The following C12orf42 variants were observed in gnomAD, a reference collection of about 807,000 sequenced individuals.
C12orf42 encodes uncharacterized protein C12orf42.
In C12orf42, 25 loss-of-function variants were observed where a neutral mutation model predicts 21.6. The ratio of observed to expected loss-of-function variants is 1.16; its 90% CI spans 0.84 to 1.62. The LOEUF is 1.62. Ranked by LOEUF, C12orf42 falls within the 40% of genes most tolerant of loss-of-function variation. The probability of loss-of-function intolerance (pLI) is 0.00; values close to 1 mark genes in which losing one functional copy is unlikely to be tolerated. For missense variants in C12orf42, 483 were observed against 459.3 expected (o/e 1.05, Z -0.47); for synonymous variants, 174 against 175.0 (o/e 0.99, Z 0.05).
At chr12:103,300,072 C>A (rs1226602662), downstream of C12orf42, among the ~76,000 whole-genome samples, 1 of 152,202 alleles carries the variant, frequency 6.6e-6, no homozygotes, top group Non-Finnish European at 1.5e-5. Flanking sequence ...TTGAACCCTA[C>A]AAATCTACAT....
intron 4 of C12orf42, among the ~76,000 whole-genome samples, chr12:103,364,392 A>G (rs1251000603): frequency 5.3e-5 from 8 of 152,026 alleles, no homozygotes; most frequent in African/African-American, 1.9e-4. Flanking sequence ...CAAAAAGTCT[A>G]AAAGAGCACA....
intron 3 of C12orf42, among the ~76,000 whole-genome samples, chr12:103,397,371 G>A (rs2047622344): frequency 6.6e-6 from 1 of 152,208 alleles, no homozygotes; most frequent in African/African-American, 2.4e-5. Flanking sequence ...TGGCACAACA[G>A]GAGGTGAGTG....
At chr12:103,142,027 AT>A in the C12orf42 span, among the ~76,000 whole-genome samples, 1 of 152,226 alleles carries the variant, frequency 6.6e-6, no homozygotes, top group Non-Finnish European at 1.5e-5. Flanking sequence ...AACTAAAAAC[AT>A]CCTAGACATT....
At chr12:103,562,642 G>C in the C12orf42 span, among the ~76,000 whole-genome samples, 1 of 152,114 alleles carries the variant, frequency 6.6e-6, no homozygotes, top group Non-Finnish European at 1.5e-5. Context: ...GAAATTTCTT[G>C]CCAAGAAGAT....
chr12:103,200,033 T>G, the C12orf42 span, among the ~76,000 whole-genome samples: 16 of 152,260 alleles, frequency 1.1e-4, no homozygotes, highest in South Asian at 3.3e-3. Context: ...TGCACTCCCA[T>G]GTTCATTGCA....
chr12:103,357,352 A>C (rs2043682464), intron 4 of C12orf42, among the ~76,000 whole-genome samples: 1 of 151,868 alleles, frequency 6.6e-6, no homozygotes, highest in Non-Finnish European at 1.5e-5. Flanking sequence ...GTAGCTTTAT[A>C]ATGTTCCATT....
chr12:103,124,021 C>T, the C12orf42 span, among the ~76,000 whole-genome samples: 6 of 151,938 alleles, frequency 3.9e-5, no homozygotes, highest in Non-Finnish European at 7.4e-5. Context: ...CAAAGAATCC[C>T]CAGCAAGTGG....
intron 2 of C12orf42, 199 bp downstream of exon 2, chr12:103,478,150 G>T: frequency 2.0e-6 from 1 of 495,208 alleles, no homozygotes; most frequent in Non-Finnish European, 3.5e-6. Context: ...CTAATAGTGG[G>T]AAAAAAATAA....
At chr12:103,071,338 T>C in the C12orf42 span, among the ~76,000 whole-genome samples, 1 of 152,066 alleles carries the variant, frequency 6.6e-6, no homozygotes, top group Non-Finnish European at 1.5e-5. Flanking sequence ...AGAAAATAAA[T>C]ACACGCAGAG....
At chr12:103,376,411 T>G in intron 3 of C12orf42, among the ~76,000 whole-genome samples, 1 of 149,112 alleles carries the variant, frequency 6.7e-6, no homozygotes. Flanking sequence ...TGTCGAGGGG[T>G]GGGGGGCAAG....
At chr12:103,224,250 CG>C in the C12orf42 span, among the ~76,000 whole-genome samples, 2 of 147,122 alleles carry the variant, frequency 1.4e-5, no homozygotes, top group Non-Finnish European at 3.0e-5. Context: ...GGAAGGGAGG[CG>C]GCCTGAATAA....
At chr12:103,560,008 T>C in the C12orf42 span, among the ~76,000 whole-genome samples, 1 of 152,336 alleles carries the variant, frequency 6.6e-6, no homozygotes, top group East Asian at 1.9e-4. Flanking sequence ...TTCAAATCAA[T>C]TGAAGTTTTT....
Position 103,324,172 on chromosome 12 carries a change from T to C in C12orf42, c.260-17827A>G, listed in dbSNP as rs114102300. Among the ~76,000 whole-genome samples, 1,207 of 152,234 alleles carry C rather than the reference T, an allele frequency of 7.9e-3. 18 individuals carry two copies. Among genetic ancestry groups the C allele is most frequent in the African/African-American group, 0.027 (1,139 of 41,560 alleles). On this transcript the variant is annotated intron_variant, in intron 4 of 5. Transcript: ENST00000548883. ...TCATTTTAATGTCCTGTATCATTTT[T>C]AGATTTATGTTTTAATCATAAGCAC...
chr12:103,163,844 T>A, the C12orf42 span, among the ~76,000 whole-genome samples: 1 of 152,124 alleles, frequency 6.6e-6, no homozygotes, highest in African/African-American at 2.4e-5. Context: ...CTTCATAGGG[T>A]CATGGAGAGG....
the C12orf42 span, among the ~76,000 whole-genome samples, chr12:103,114,356 C>G: frequency 1.2e-4 from 18 of 152,284 alleles, no homozygotes; most frequent in East Asian, 2.3e-3. Flanking sequence ...TGGGTTAGGA[C>G]TCAGATGGTC....
At chr12:103,486,537 A>T (rs1269367378) in intron 1 of C12orf42, among the ~76,000 whole-genome samples, 4 of 152,066 alleles carry the variant, frequency 2.6e-5, no homozygotes, top group African/African-American at 9.7e-5. Flanking sequence ...AAGGAATGGT[A>T]CCAGTTCTTC....
the C12orf42 span, among the ~76,000 whole-genome samples, chr12:103,186,524 A>G: frequency 6.6e-6 from 1 of 152,206 alleles, no homozygotes; most frequent in Non-Finnish European, 1.5e-5. Flanking sequence ...TCTAATCAAA[A>G]TGGCATAAAT....
the C12orf42 span, among the ~76,000 whole-genome samples, chr12:103,196,088 T>TA: frequency 6.6e-6 from 1 of 152,168 alleles, no homozygotes; most frequent in African/African-American, 2.4e-5. Flanking sequence ...ACTTTCCTTT[T>TA]AACACTGTGT....
chr12:103,534,379 C>T, the C12orf42 span, among the ~76,000 whole-genome samples: 1 of 152,074 alleles, frequency 6.6e-6, no homozygotes, highest in African/African-American at 2.4e-5. Context: ...CTGCTGACTA[C>T]ATGCCAAGCG....
Sources: allele counts gnomAD v4.1 joint callset (sites outside exome capture counted in the v4.1 genomes callset), GRCh38; gene constraint gnomAD v4.1.1; transcripts MANE v1.5; gene names NCBI Gene and HGNC (gene_info 2026-07-23, HGNC 2026-07-21).